PTPRR: variants seen among roughly 807,000 people sequenced by gnomAD.
PTPRR encodes protein tyrosine phosphatase receptor type R, also known as receptor-type tyrosine-protein phosphatase R.
A neutral mutation model predicts 77.2 loss-of-function variants in PTPRR; 38 were observed. The observed-to-expected ratio is 0.49, with a 90% CI of 0.38 to 0.65. The LOEUF is 0.65. Among genes scored for constraint, PTPRR ranks in the 30% least tolerant of loss-of-function variants. The pLI is 0.00. For missense variants in PTPRR, 744 were observed against 799.2 expected (o/e 0.93, Z 0.83); for synonymous variants, 299 against 283.1 (o/e 1.06, Z -0.57).
intron 10 of PTPRR, among the ~76,000 whole-genome samples, chr12:70,680,493 G>A (rs1369847595): frequency 6.6e-6 from 1 of 152,072 alleles, no homozygotes; most frequent in African/African-American, 2.4e-5. Flanking sequence ...AGGTTTTTAA[G>A]CTGTAGTCAA....
At chr12:70,735,212 T>G (rs1378363009) in intron 6 of PTPRR, among the ~76,000 whole-genome samples, 1 of 152,176 alleles carries the variant, frequency 6.6e-6, no homozygotes, top group Admixed American at 6.5e-5. Flanking sequence ...TATGAAAATA[T>G]TTTATAAAAA....
At position 70,658,948 on chromosome 12, in the gene PTPRR, G is replaced by A. The variant is rs575588149; in HGVS notation, c.1766+1992C>T. The stretch of plus-strand genomic sequence containing the variant: ...AGAGTCTTTCTCTGTCGCACAGGCT[G>A]CTGAAATACAGTGGCGGGATCTTGA... On this transcript the variant is annotated intron_variant, in intron 12 of 13. Transcript: ENST00000283228. 1.7e-3 allele frequency among the ~76,000 whole-genome samples: 208 copies of A among 125,524 alleles called. 1 individual carries two copies. Among genetic ancestry groups the A allele is most frequent in the African/African-American group, 5.9e-3 (192 of 32,274 alleles). 82.3% of individuals were successfully genotyped at this position (125,524 alleles called of 152,430 possible).
intron 2 of PTPRR, among the ~76,000 whole-genome samples, chr12:70,875,420 C>T (rs1183016737): frequency 2.0e-5 from 3 of 151,746 alleles, no homozygotes; most frequent in Admixed American, 6.6e-5. Flanking sequence ...CCAGGAGATA[C>T]GGAGGTTCAA....
At chr12:70,840,576 T>C (rs966033466) in intron 2 of PTPRR, among the ~76,000 whole-genome samples, 5 of 152,170 alleles carry the variant, frequency 3.3e-5, no homozygotes, top group Non-Finnish European at 7.4e-5. Context: ...GATTCTATAA[T>C]AGCTAGATCG....
At chr12:70,821,213 C>CTATTTTTTTTTTTTTTTTTTTTTTTTTTT in intron 2 of PTPRR, among the ~76,000 whole-genome samples, 1 of 31,990 alleles carries the variant, frequency 3.1e-5, no homozygotes, top group South Asian at 2.7e-3. Flanking sequence ...GGGATCACTG[C>CTATTTTTTTTTTTTTTTTTTTTTTTTTTT]TTTTTTTTTT....
intron 5 of PTPRR, among the ~76,000 whole-genome samples, chr12:70,748,853 C>G (rs1054358773): frequency 1.3e-5 from 2 of 152,048 alleles, no homozygotes; most frequent in African/African-American, 4.8e-5. Context: ...TTTAATAATC[C>G]TGAGTCAATC....
At chr12:70,837,652 T>C (rs969832396) in intron 2 of PTPRR, among the ~76,000 whole-genome samples, 2 of 152,128 alleles carry the variant, frequency 1.3e-5, no homozygotes, top group Non-Finnish European at 2.9e-5. Flanking sequence ...TCTCTGGGTA[T>C]GCCACCCTCT....
intron 6 of PTPRR, among the ~76,000 whole-genome samples, chr12:70,713,284 G>T (rs763312866): frequency 6.6e-6 from 1 of 152,088 alleles, no homozygotes; most frequent in Non-Finnish European, 1.5e-5. Context: ...CACATTTTGT[G>T]TATTCATTCA....
chr12:70,849,194 A>C (rs1201356777), intron 2 of PTPRR, among the ~76,000 whole-genome samples: 1 of 152,170 alleles, frequency 6.6e-6, no homozygotes, highest in Non-Finnish European at 1.5e-5. Context: ...CTATTTCCAA[A>C]GGTAGATATT....
chr12:70,713,690 T>C (rs912416670), intron 6 of PTPRR, among the ~76,000 whole-genome samples: 3 of 152,136 alleles, frequency 2.0e-5, no homozygotes, highest in African/African-American at 7.2e-5. Context: ...GACATTTATA[T>C]ATATTCTGTG....
chr12:70,732,328 A>T (rs954564811), intron 6 of PTPRR, among the ~76,000 whole-genome samples: 3 of 152,224 alleles, frequency 2.0e-5, no homozygotes, highest in Non-Finnish European at 4.4e-5. Flanking sequence ...CTAAGTTAGG[A>T]GCCAACGTAA....
intron 2 of PTPRR, among the ~76,000 whole-genome samples, chr12:70,880,350 AAC>A (rs1156696279): frequency 2.6e-5 from 4 of 152,170 alleles, no homozygotes; most frequent in African/African-American, 7.2e-5. Context: ...TTGGGATCCT[AAC>A]ACAGTTCTAC....
chr12:70,845,564 C>T (rs1267758034), intron 2 of PTPRR, among the ~76,000 whole-genome samples: 1 of 152,122 alleles, frequency 6.6e-6, no homozygotes, highest in Non-Finnish European at 1.5e-5. Flanking sequence ...CTCTCTTTGC[C>T]TTCCTTTGCT....
chr12:70,775,908 G>C (rs7306834), intron 2 of PTPRR, among the ~76,000 whole-genome samples: 56,826 of 151,854 alleles, frequency 0.37, 13,160 homozygotes, highest in African/African-American at 0.65. Context: ...AGTAGAGAAC[G>C]CTGACCTGTT....
chr12:70,919,313 C>T (rs1893818480), intron 1 of PTPRR, among the ~76,000 whole-genome samples: 1 of 152,170 alleles, frequency 6.6e-6, no homozygotes. Context: ...AGGGAAAATG[C>T]CTCGTCTCTG....
At chr12:70,769,888 T>C (rs1397372686) in intron 2 of PTPRR, among the ~76,000 whole-genome samples, 1 of 152,046 alleles carries the variant, frequency 6.6e-6, no homozygotes, top group East Asian at 1.9e-4. Flanking sequence ...TTGACAAACC[T>C]GACAAAAACA....
chr12:70,707,773 C>T (rs1335460660), intron 6 of PTPRR, among the ~76,000 whole-genome samples: 5 of 152,094 alleles, frequency 3.3e-5, no homozygotes, highest in African/African-American at 1.2e-4. Context: ...CTCTCTTCCT[C>T]TTTGGTTCAG....
chr12:70,689,827 A>G (rs1352200972), intron 8 of PTPRR, among the ~76,000 whole-genome samples: 1 of 152,204 alleles, frequency 6.6e-6, no homozygotes, highest in East Asian at 1.9e-4. Context: ...TATGTACTTT[A>G]AGAGCTAGTC....
intron 2 of PTPRR, among the ~76,000 whole-genome samples, chr12:70,811,986 T>G (rs1427519348): frequency 6.6e-6 from 1 of 152,240 alleles, no homozygotes; most frequent in Non-Finnish European, 1.5e-5. Context: ...ATTACCTTAT[T>G]TTAGCTTTTC....
Sources: allele counts gnomAD v4.1 joint callset (sites outside exome capture counted in the v4.1 genomes callset), GRCh38; gene constraint gnomAD v4.1.1; transcripts MANE v1.5; gene names NCBI Gene and HGNC (gene_info 2026-07-23, HGNC 2026-07-21).